ADAMTSL1: variants seen among roughly 807,000 people sequenced by gnomAD.
ADAMTSL1 encodes the protein ADAMTS-like protein 1.
Under a neutral mutation model 201.8 loss-of-function variants are expected in ADAMTSL1, and 126 were observed. The ratio of observed to expected loss-of-function variants is 0.62; its 90% CI spans 0.54 to 0.72. The LOEUF (loss-of-function observed/expected upper bound fraction) is 0.72. Ranked by LOEUF, ADAMTSL1 falls within the 30% of genes least tolerant of loss-of-function variation. The pLI is 0.00. For missense variants in ADAMTSL1, 2,679 were observed against 2,277.8 expected, an observed-to-expected ratio of 1.18 and a Z score of -3.59; for synonymous variants, 1,121 against 903.4, an observed-to-expected ratio of 1.24 and a Z score of -4.32.
At chr9:18,268,345 G>T (rs1216345033) in intron 2 of ADAMTSL1, among the ~76,000 whole-genome samples, 1 of 152,040 alleles carries the variant, frequency 6.6e-6, no homozygotes, top group Non-Finnish European at 1.5e-5. Context: ...CCCCCTTCTT[G>T]TTAGTTTCTT....
At chr9:18,474,536 T>C (rs1821356297) in intron 1 of ADAMTSL1, among the ~76,000 whole-genome samples, 1 of 152,170 alleles carries the variant, frequency 6.6e-6, no homozygotes, top group Non-Finnish European at 1.5e-5. Flanking sequence ...GTAATACTGA[T>C]ACTGAGACAT....
intron 1 of ADAMTSL1, among the ~76,000 whole-genome samples, chr9:18,033,537 G>T (rs1245316674): frequency 1.3e-5 from 2 of 152,098 alleles, no homozygotes; most frequent in African/African-American, 4.8e-5. Flanking sequence ...ACTGAAAAAA[G>T]GTTTTAGGGA....
chr9:18,861,341 G>T (rs914342682), intron 23 of ADAMTSL1, among the ~76,000 whole-genome samples: 2 of 152,180 alleles, frequency 1.3e-5, no homozygotes, highest in Admixed American at 6.5e-5. Flanking sequence ...GTCTAAATTG[G>T]CCTGAATCCC....
chr9:18,642,677 C>G (rs10963700), intron 7 of ADAMTSL1, among the ~76,000 whole-genome samples: 1 of 151,698 alleles, frequency 6.6e-6, no homozygotes, highest in Non-Finnish European at 1.5e-5. Flanking sequence ...ATTAATATCA[C>G]GCAGTATTTG....
intron 2 of ADAMTSL1, chr9:18,362,067 C>T (rs1210463353): frequency 6.6e-6 from 1 of 152,080 alleles, no homozygotes; most frequent in African/African-American, 2.4e-5. Flanking sequence ...GGGTACTGAA[C>T]ATTAGTTGTG....
intron 2 of ADAMTSL1, among the ~76,000 whole-genome samples, chr9:18,292,572 T>C (rs1191176612): frequency 6.6e-6 from 1 of 152,090 alleles, no homozygotes; most frequent in African/African-American, 2.4e-5. Flanking sequence ...CACCATCTAA[T>C]CAGCTGCCAG....
At chr9:18,576,906 G>A (rs1441606548) in intron 4 of ADAMTSL1, among the ~76,000 whole-genome samples, 1 of 151,902 alleles carries the variant, frequency 6.6e-6, no homozygotes, top group Non-Finnish European at 1.5e-5. Context: ...GGAGGCTCAG[G>A]TCGATTTTAT....
chr9:18,812,237 C>G (rs1232855312), intron 20 of ADAMTSL1, among the ~76,000 whole-genome samples: 1 of 151,922 alleles, frequency 6.6e-6, no homozygotes, highest in Non-Finnish European at 1.5e-5. Flanking sequence ...ACACATAGAT[C>G]AGTGGAACAG....
chr9:18,706,048 C>G (rs1832211673), intron 13 of ADAMTSL1, among the ~76,000 whole-genome samples: 2 of 152,180 alleles, frequency 1.3e-5, no homozygotes, highest in African/African-American at 4.8e-5. Context: ...GGTGGCTACT[C>G]CATAGGCAGG....
chr9:18,186,977 C>G (rs1828766138), intron 2 of ADAMTSL1, among the ~76,000 whole-genome samples: 1 of 152,120 alleles, frequency 6.6e-6, no homozygotes, highest in African/African-American at 2.4e-5. Context: ...ACTTTCAACT[C>G]TAAATCCCAT....
intron 1 of ADAMTSL1, among the ~76,000 whole-genome samples, chr9:18,111,439 A>G (rs988046752): frequency 1.2e-4 from 18 of 152,180 alleles, no homozygotes; most frequent in Admixed American, 9.8e-4. Flanking sequence ...CAGTATGTTT[A>G]ATATGAGTTA....
intron 21 of ADAMTSL1, among the ~76,000 whole-genome samples, chr9:18,820,853 G>A (rs1023598506): frequency 2.6e-5 from 4 of 152,162 alleles, no homozygotes; most frequent in Non-Finnish European, 4.4e-5. Flanking sequence ...CTGAGTCGGC[G>A]ATAAAGGATC....
intron 1 of ADAMTSL1, among the ~76,000 whole-genome samples, chr9:18,069,381 A>G (rs1198520134): frequency 6.6e-6 from 1 of 152,206 alleles, no homozygotes; most frequent in African/African-American, 2.4e-5. Flanking sequence ...AATAAGAAGG[A>G]CATATTACAC....
chr9:18,245,973 C>A (rs1831245656), intron 2 of ADAMTSL1, among the ~76,000 whole-genome samples: 1 of 152,098 alleles, frequency 6.6e-6, no homozygotes, highest in African/African-American at 2.4e-5. Context: ...GCAGAGACTA[C>A]TGTTGCAAAA....
chr9:18,841,870 G>A (rs1002257034), intron 23 of ADAMTSL1, among the ~76,000 whole-genome samples: 7 of 152,134 alleles, frequency 4.6e-5, no homozygotes, highest in African/African-American at 1.2e-4. Context: ...ATTTCTGTGG[G>A]ATCAGTGGTG....
intron 2 of ADAMTSL1, among the ~76,000 whole-genome samples, chr9:18,258,562 C>G (rs1221934980): frequency 6.6e-6 from 1 of 151,946 alleles, no homozygotes; most frequent in East Asian, 1.9e-4. Context: ...AGAGGTCTCA[C>G]CTAGCAGAGA....
chr9:18,607,351 T>G (rs1299892799), intron 4 of ADAMTSL1, among the ~76,000 whole-genome samples: 1 of 152,194 alleles, frequency 6.6e-6, no homozygotes, highest in African/African-American at 2.4e-5. Context: ...ACCATAAAAT[T>G]CGTGGTCAAA....
chr9:18,142,399 C>A (rs1042071536), intron 1 of ADAMTSL1, among the ~76,000 whole-genome samples: 1 of 152,206 alleles, frequency 6.6e-6, no homozygotes, highest in African/African-American at 2.4e-5. Context: ...TTAAGACCGG[C>A]TCTTCTTTTC....
intron 1 of ADAMTSL1, among the ~76,000 whole-genome samples, chr9:17,996,668 C>T (rs942128646): frequency 4.3e-4 from 66 of 151,928 alleles, no homozygotes; most frequent in African/African-American, 1.5e-3. Flanking sequence ...CTTTTTGAAC[C>T]AGTTTTCTAT....
Sources: allele counts gnomAD v4.1 joint callset (sites outside exome capture counted in the v4.1 genomes callset), GRCh38; gene constraint gnomAD v4.1.1; transcripts MANE v1.5; gene names NCBI Gene and HGNC (gene_info 2026-07-23, HGNC 2026-07-21).